Variants in GCC2 observed in about 807,000 individuals in gnomAD.
GCC2 encodes GRIP and coiled-coil domain containing 2.
GCC2 carries 120 observed loss-of-function variants against 210.6 expected under a neutral mutation model. The observed-to-expected ratio is 0.57, with a 90% confidence interval of 0.49 to 0.66. GCC2 has a LOEUF of 0.66. GCC2 is among the 30% of genes least tolerant of loss of function. The pLI, the probability that GCC2 is intolerant of heterozygous loss-of-function variation, is 0.00. For synonymous variants in GCC2, 703 were observed against 652.7 expected, an observed-to-expected ratio of 1.08 and a Z score of -1.17; for missense variants, 1,868 against 1,871.9, an observed-to-expected ratio of 1.00 and a Z score of 0.04.
At position 108,453,611 on chromosome 2, in the gene GCC2, C is replaced by G. The variant is rs1048824834; in HGVS notation, c.216+1145C>G. ...ATCAGCCTGGCCAGCATGGTGAAAC[C>G]CTGTCTGTACTAAAAATACAACATT... On this transcript the variant is annotated intron_variant, in intron 4 of 22. Transcript: ENST00000309863. Among the ~76,000 whole-genome samples the G allele has an allele frequency of 2.2e-4, 33 of 151,988 alleles. 1 individual carries two copies. The highest frequency in any genetic ancestry group is 2.2e-3 in the Admixed American group (33 of 15,254).
intron 4 of GCC2, among the ~76,000 whole-genome samples, chr2:108,461,056 TATAA>T (rs1194670878): frequency 6.6e-6 from 1 of 152,244 alleles, no homozygotes; most frequent in East Asian, 1.9e-4. Context: ...CTCTTTTCTT[TATAA>T]ATTACCCAGG....
chr2:108,494,929 A>G (rs183673920), intron 19 of GCC2: 2,660 of 157,596 alleles, frequency 0.017, 42 homozygotes, highest in Non-Finnish European at 0.025. Context: ...TCTCTGCCTC[A>G]GCCTCCCCAG....
At chr2:108,474,566 TG>T (rs1681409214) in intron 7 of GCC2, among the ~76,000 whole-genome samples, 1 of 152,160 alleles carries the variant, frequency 6.6e-6, no homozygotes, top group African/African-American at 2.4e-5. Context: ...TCAAGGGATT[TG>T]CTATAGGGAG....
intron 6 of GCC2, 106 bp downstream of exon 6, chr2:108,472,222 A>G: frequency 2.7e-6 from 2 of 751,200 alleles, no homozygotes; most frequent in Non-Finnish European, 3.9e-6. Flanking sequence ...AATTTTTACC[A>G]TTTAAGCCCA....
At position 108,481,928 on chromosome 2, in the gene GCC2, C is replaced by G. The variant is rs2718700; in HGVS notation, c.3180+112C>G. The G allele has an allele frequency of 6.4e-5, 45 of 701,446 alleles. 1 individual carries two copies. In the Admixed American group the frequency reaches 1.1e-3, roughly 18 times the overall value. 43.5% of individuals were successfully genotyped at this position (701,446 alleles called of 1,614,324 possible). On this transcript the variant is annotated intron_variant, in intron 10 of 22. Coordinates refer to ENST00000309863, the MANE Select transcript of GCC2 (RefSeq NM_181453.4). Reference sequence around the variant, plus strand: ...AGTCGGAAACAGAATTTATTCCCCCCCCACTTTACCCTCCTTCCCACTTAG... The same window carrying G: ...AGTCGGAAACAGAATTTATTCCCCCGCCACTTTACCCTCCTTCCCACTTAG...
At position 108,454,293 on chromosome 2, in the gene GCC2, T is replaced by G. The variant is rs550440543; in HGVS notation, c.216+1827T>G. Among the ~76,000 whole-genome samples, 23 of 152,284 alleles carry G rather than the reference T, an allele frequency of 1.5e-4. No homozygotes were observed. In the South Asian group the frequency reaches 1.9e-3, roughly 12 times the overall value. On this transcript the variant is annotated intron_variant, in intron 4 of 22. Transcript: ENST00000309863. ...GCGTGAGCCACTGCGCCCAGCCTGG[T>G]TATATATTATCTTATTTTCTCATCA...
chr2:108,505,337 C>T (rs537801038), intron 22 of GCC2, among the ~76,000 whole-genome samples: 185 of 152,314 alleles, frequency 1.2e-3, no homozygotes, highest in Non-Finnish European at 2.3e-3. Flanking sequence ...TAAGCAATAT[C>T]GCTTCCTCCT....
intron 21 of GCC2, 67 bp downstream of exon 21, chr2:108,497,176 G>C: frequency 6.2e-7 from 1 of 1,609,416 alleles, no homozygotes. Context: ...CCATACACAT[G>C]CACGATCTCA....
intron 4 of GCC2, among the ~76,000 whole-genome samples, chr2:108,461,830 CTTTTTCTTTTTT>C (rs1680597509): frequency 8.1e-6 from 1 of 124,078 alleles, no homozygotes; most frequent in African/African-American, 3.1e-5. Flanking sequence ...TTTTTTTTTT[CTTTTTCTTTTTT>C]TTTTTTTTTG....
In GCC2 at chr2:108,469,010, C is replaced by G. The variant is rs939935158; in HGVS notation, c.247C>G (p.Leu83Val). Residue 83 changes from leucine to valine, a missense_variant, in exon 5 of 23, where the codon CTG (leucine) becomes GTG (valine). By Grantham distance (32) the Leu-to-Val change is conservative (BLOSUM62 1). Transcript: ENST00000309863. ...ALTERLDALL[L>V]EKAETEQQCL... ...AACTGAACGTCTGGATGCTCTTCTT[C>G]TGGAAAAAGCAGAGACTGAGCAACA... 3 of 1,612,360 alleles carry G rather than the reference C, an allele frequency of 1.9e-6. No homozygotes were observed. Among genetic ancestry groups the G allele is most frequent in the African/African-American group, 1.3e-5 (1 of 74,838 alleles).
At chr2:108,486,304 TGAA>T in intron 15 of GCC2, 1 of 565,182 alleles carries the variant, frequency 1.8e-6, no homozygotes, top group Non-Finnish European at 3.2e-6. Flanking sequence ...TTCTTTTTTT[TGAA>T]TTGATGTTGG....
At position 108,470,566 on chromosome 2, in the gene GCC2, A is replaced by G. The variant is rs1681142708; in HGVS notation, c.1237A>G (p.Lys413Glu). The stretch of plus-strand genomic sequence containing the variant: ...AAAATCTGAGCTAGCAGGTTTAAAT[A>G]AACAGTTTTGCTATACTGTAGAACA... The part of the protein sequence containing the change: ...KLKSELAGLN[K>E]QFCYTVEQHN... The change falls in exon 6 of 23, where the codon AAA becomes GAA. Residue 413 changes from lysine (K) to glutamate (E), a missense_variant. Physicochemically the swap from Lys to Glu is moderately conservative, Grantham distance 56 (BLOSUM62 1). Coordinates refer to ENST00000309863, the MANE Select transcript of GCC2 (RefSeq NM_181453.4). 1.2e-6 allele frequency: 2 copies of G among 1,607,504 alleles called. No homozygotes were observed. The highest frequency in any genetic ancestry group is 2.2e-5 in the East Asian group (1 of 44,808).
At chr2:108,486,723 G>A (rs144765670) in intron 16 of GCC2, 75 bp downstream of exon 16, 571 of 1,362,158 alleles carry the variant, frequency 4.2e-4, no homozygotes, top group Non-Finnish European at 5.4e-4. Flanking sequence ...CTCCAGGGCT[G>A]TGCTCTGCCT....
rs547034620 is a variant in GCC2 at position 108,489,069 on chromosome 2, C to T, written c.4053-769C>T. Among the ~76,000 whole-genome samples the T allele has an allele frequency of 5.3e-5, 8 of 152,274 alleles. No individual in the cohort carries two copies. The South Asian group carries it at 1.7e-3, about 32-fold the overall frequency. ...TAAATACGTTTTTTAAAAAAAGAAA[C>T]TAATAGTGTATTGTACTCATTGTGG... On this transcript the variant is annotated intron_variant, in intron 17 of 22. Transcript: ENST00000309863.
At chr2:108,475,073 A>G (rs1681436524) in intron 7 of GCC2, 1 of 152,758 alleles carries the variant, frequency 6.5e-6, no homozygotes, top group South Asian at 2.1e-4. Flanking sequence ...ACAGAGATCA[A>G]TATTGGATAG....
chr2:108,494,542 T>A (rs1573228281), intron 19 of GCC2: 1 of 152,190 alleles, frequency 6.6e-6, no homozygotes, highest in Non-Finnish European at 1.5e-5. Context: ...GGGCAGTGAT[T>A]GAGGATGTCT....
At chr2:108,481,929 C>G (rs552685146) in intron 10 of GCC2, 113 bp downstream of exon 10, 28 of 695,414 alleles carry the variant, frequency 4.0e-5, no homozygotes, top group African/African-American at 7.3e-5. Flanking sequence ...TATTCCCCCC[C>G]CACTTTACCC....
chr2:108,454,068 G>T (rs780852931), intron 4 of GCC2, among the ~76,000 whole-genome samples: 1 of 152,044 alleles, frequency 6.6e-6, no homozygotes, highest in East Asian at 1.9e-4. Flanking sequence ...TCGGCTCACC[G>T]CAAGCTCCGC....
chr2:108,470,450 A>C lies in GCC2; in HGVS notation c.1121A>C (p.Asp374Ala), dbSNP rs774235989. The change falls in exon 6 of 23, where the codon GAT becomes GCT. Residue 374 changes from aspartate (D) to alanine (A), a missense_variant. Around this residue, in one of 3 missense-constraint regions of GCC2, gnomAD observed 1,847 missense variants for 1,765.2 expected, o/e 1.05. Coordinates refer to ENST00000309863, the MANE Select transcript of GCC2 (RefSeq NM_181453.4). ...GAAATGGATGCTCAACATATAAAGG[A>C]TGAGTTTTTTCATGAACGGGAAGAC... ...KLEMDAQHIK[D>A]EFFHEREDLE... 2 of 1,607,046 alleles carry C rather than the reference A, an allele frequency of 1.2e-6. No homozygotes were observed. Among genetic ancestry groups the C allele is most frequent in the Non-Finnish European group, 8.5e-7 (1 of 1,174,004 alleles).
Sources: allele counts gnomAD v4.1 joint callset (sites outside exome capture counted in the v4.1 genomes callset), GRCh38; gene constraint gnomAD v4.1.1; regional missense constraint gnomAD v4.1.1; transcripts MANE v1.5; gene names NCBI Gene and HGNC (gene_info 2026-07-23, HGNC 2026-07-21).